The following RBFOX1 variants were observed in gnomAD, a reference collection of about 807,000 sequenced individuals.
RBFOX1 encodes RNA binding protein fox-1 homolog 1.
In RBFOX1, 8 loss-of-function variants were observed where a neutral mutation model predicts 57.7. The ratio of observed to expected loss-of-function variants is 0.14; its 90% CI spans 0.08 to 0.25. RBFOX1 has a LOEUF of 0.25. Ranked by LOEUF, RBFOX1 falls within the 10% of genes least tolerant of loss-of-function variation. The probability of loss-of-function intolerance (pLI) is 1.00; values close to 1 mark genes in which losing one functional copy is unlikely to be tolerated. For synonymous variants in RBFOX1, 326 were observed against 222.4 expected, an observed-to-expected ratio of 1.47 and a Z score of -4.15; for missense variants, 611 against 548.5, an observed-to-expected ratio of 1.11 and a Z score of -1.14.
rs985523745 is a variant in RBFOX1, at chr16:6,999,373, C to G, written c.-15-52684C>G. 1.1e-4 allele frequency among the ~76,000 whole-genome samples: 16 copies of G among 151,610 alleles called. No individual in the cohort carries two copies. The East Asian group carries it at 3.1e-3, about 30-fold the overall frequency. On this transcript the variant is annotated intron_variant, in intron 3 of 15. Transcript: ENST00000550418. Reference sequence around the variant, plus strand: ...TGCCTGGCCAGGAGCTACATTTTTACTCCAGATTCATTGGTGGACCAGAGT... The same window carrying G: ...TGCCTGGCCAGGAGCTACATTTTTAGTCCAGATTCATTGGTGGACCAGAGT...
chr16:6,611,471 C>T (rs941127088), intron 2 of RBFOX1, among the ~76,000 whole-genome samples: 3 of 152,244 alleles, frequency 2.0e-5, no homozygotes, highest in Non-Finnish European at 4.4e-5. Context: ...TTACATGATG[C>T]TTCCTGTTTC....
At chr16:6,850,392 C>T (rs1397214211) in intron 3 of RBFOX1, among the ~76,000 whole-genome samples, 9 of 152,034 alleles carry the variant, frequency 5.9e-5, no homozygotes, top group East Asian at 1.9e-4. Context: ...TAGGTTGGTC[C>T]TGGAGGGCTT....
chr16:5,582,362 C>T (rs2046696783), intron 2 of RBFOX1, among the ~76,000 whole-genome samples: 1 of 152,050 alleles, frequency 6.6e-6, no homozygotes, highest in South Asian at 2.1e-4. Flanking sequence ...TGGACTGGAG[C>T]CGGTGGAAAA....
At chr16:6,819,802 C>T (rs566101041) in intron 3 of RBFOX1, among the ~76,000 whole-genome samples, 33 of 149,052 alleles carry the variant, frequency 2.2e-4, no homozygotes, top group South Asian at 1.5e-3. Flanking sequence ...TTGTTGATTA[C>T]GACACTGGTA....
chr16:7,438,650 G>A (rs2098741410), intron 4 of RBFOX1, among the ~76,000 whole-genome samples: 1 of 152,160 alleles, frequency 6.6e-6, no homozygotes, highest in Admixed American at 6.5e-5. Flanking sequence ...TTCTCTTACT[G>A]AATTTTAAAC....
chr16:7,333,185 A>T (rs193153823), intron 4 of RBFOX1: 1 of 1,168,388 alleles, frequency 8.6e-7, no homozygotes, highest in East Asian at 2.4e-5. Context: ...CTTTTAATAC[A>T]GGAAAAAGCC....
At chr16:6,164,699 A>G (rs890564118) in intron 1 of RBFOX1, among the ~76,000 whole-genome samples, 1 of 151,824 alleles carries the variant, frequency 6.6e-6, no homozygotes, top group Non-Finnish European at 1.5e-5. Context: ...GCTGGTCTCG[A>G]ATTTCTGACC....
At chr16:7,465,871 T>A (rs994647289) in intron 4 of RBFOX1, among the ~76,000 whole-genome samples, 1 of 152,266 alleles carries the variant, frequency 6.6e-6, no homozygotes, top group Non-Finnish European at 1.5e-5. Context: ...TTAACTGTTA[T>A]CTGTTCATAC....
intron 3 of RBFOX1, among the ~76,000 whole-genome samples, chr16:5,614,591 G>T (rs1825357184): frequency 1.3e-5 from 2 of 152,134 alleles, no homozygotes; most frequent in Non-Finnish European, 2.9e-5. Context: ...CTCTTCAGAG[G>T]TATATTTATT....
At position 6,979,182 on chromosome 16, in the gene RBFOX1, T is replaced by C. The variant is rs564937255; in HGVS notation, c.-15-72875T>C. Among the ~76,000 whole-genome samples, 119 of 152,294 alleles carry C rather than the reference T, an allele frequency of 7.8e-4. 1 individual carries two copies. The highest frequency in any genetic ancestry group is 2.7e-3 in the African/African-American group (113 of 41,582). Reference sequence around the variant, plus strand: ...TCTAGTGTTGATAGTATTCAGGAAGTTGAAAGGTTATTTAAATCCCCAAGT... The same window carrying C: ...TCTAGTGTTGATAGTATTCAGGAAGCTGAAAGGTTATTTAAATCCCCAAGT... On this transcript the variant is annotated intron_variant, in intron 3 of 15. Transcript: ENST00000550418.
At chr16:5,895,183 C>T (rs2058135707) in intron 4 of RBFOX1, among the ~76,000 whole-genome samples, 1 of 152,266 alleles carries the variant, frequency 6.6e-6, no homozygotes, top group Non-Finnish European at 1.5e-5. Flanking sequence ...CATGCCCTTG[C>T]CTGCTATAAA....
At chr16:6,568,769 C>CT (rs149457134) in intron 2 of RBFOX1, among the ~76,000 whole-genome samples, 2,539 of 151,936 alleles carry the variant, frequency 0.017, 67 homozygotes, top group African/African-American at 0.058. Context: ...GCTTATAACT[C>CT]TTTTTTTTAT....
chr16:7,079,619 T>A (rs1240614478), intron 4 of RBFOX1, among the ~76,000 whole-genome samples: 1 of 152,152 alleles, frequency 6.6e-6, no homozygotes. Flanking sequence ...AAGTACCTCA[T>A]AAAGCCTTTT....
intron 1 of RBFOX1, among the ~76,000 whole-genome samples, chr16:5,287,371 T>G (rs940439599): frequency 2.0e-5 from 3 of 152,124 alleles, no homozygotes; most frequent in African/African-American, 7.2e-5. Context: ...GGTAGGTAAC[T>G]GGTAGTGTCA....
chr16:7,590,110 A>G (rs772002116), intron 7 of RBFOX1, among the ~76,000 whole-genome samples: 3 of 152,040 alleles, frequency 2.0e-5, no homozygotes, highest in East Asian at 1.9e-4. Flanking sequence ...CAAAATAATA[A>G]TTTAAAATTA....
chr16:5,678,736 C>T (rs1376413004), intron 3 of RBFOX1, among the ~76,000 whole-genome samples: 1 of 152,190 alleles, frequency 6.6e-6, no homozygotes, highest in African/African-American at 2.4e-5. Flanking sequence ...AGTTTGTCGA[C>T]ATTTGTGTTT....
At chr16:7,664,726 G>T in intron 12 of RBFOX1, 1 of 818,564 alleles carries the variant, frequency 1.2e-6, no homozygotes. Context: ...CCTAATTCTG[G>T]GCCAACACCA....
Position 6,942,221 on chromosome 16 carries a change from A to G in RBFOX1, c.-15-109836A>G, listed in dbSNP as rs570895094. Among the ~76,000 whole-genome samples the G allele has an allele frequency of 3.9e-5, 6 of 152,304 alleles. No homozygotes were observed. In the East Asian group the frequency reaches 1.2e-3, roughly 29 times the overall value. Reference sequence around the variant, plus strand: ...ACCACTGTGCTCCAACCTGGGTGACAGTGAACCAGGATCCCACCACTGCAC... The same window carrying G: ...ACCACTGTGCTCCAACCTGGGTGACGGTGAACCAGGATCCCACCACTGCAC... On this transcript the variant is annotated intron_variant, in intron 3 of 15. Transcript: ENST00000550418.
At chr16:7,231,730 G>A (rs2093503708) in intron 4 of RBFOX1, among the ~76,000 whole-genome samples, 2 of 152,276 alleles carry the variant, frequency 1.3e-5, no homozygotes, top group East Asian at 1.9e-4. Context: ...TAAAAAGGAA[G>A]GAGCTACTGT....
Sources: gnomAD v4.1 joint callset for allele counts (sites outside exome capture counted in the v4.1 genomes callset) on GRCh38, gnomAD v4.1.1 for gene constraint, MANE v1.5 for transcripts, NCBI Gene and HGNC (gene_info 2026-07-23, HGNC 2026-07-21) for gene names.